Variants in CFLAR observed in about 807,000 individuals in gnomAD.
CFLAR encodes the protein CASP8 and FADD-like apoptosis regulator.
In CFLAR, 14 loss-of-function variants were observed where a neutral mutation model predicts 51.1. The ratio of observed to expected loss-of-function variants is 0.27; its 90% CI spans 0.18 to 0.43. The LOEUF is 0.43. Ranked by LOEUF, CFLAR falls within the 20% of genes least tolerant of loss-of-function variation. The pLI, the probability that CFLAR is intolerant of heterozygous loss-of-function variation, is 1.00. For synonymous variants in CFLAR, 210 were observed against 211.6 expected (o/e 0.99, Z 0.06); for missense variants, 390 against 566.5 (o/e 0.69, Z 3.16).
chr2:201,130,169 G>A, intron 2 of CFLAR, 23 bp downstream of exon 2: 1 of 1,441,242 alleles, frequency 6.9e-7, no homozygotes, highest in South Asian at 1.6e-5. Context: ...CTCTTCCTGA[G>A]GCTGGGTGGG....
Position 201,124,034 on chromosome 2 carries a change from C to T in CFLAR, c.-137-5695C>T, listed in dbSNP as rs2048447009. ...TTACATTTGCATTCACGCTGTGGCT[C>T]ACTGGACATGACATTGCTTTCATGC... On this transcript the variant is annotated intron_variant, in intron 1 of 9. Coordinates refer to ENST00000309955, the MANE Select transcript of CFLAR (RefSeq NM_003879.7). The surrounding 1 kb of genome is among the most constrained non-coding windows in gnomAD (Gnocchi z 4.7). 6.6e-6 allele frequency among the ~76,000 whole-genome samples: 1 copy of T among 152,210 alleles called. No homozygotes were observed. The highest frequency in any genetic ancestry group is 2.4e-5 in the African/African-American group (1 of 41,446).
chr2:201,133,239 T>G (rs941581348), intron 3 of CFLAR, 105 bp downstream of exon 3: 4 of 754,912 alleles, frequency 5.3e-6, no homozygotes, highest in Non-Finnish European at 9.2e-6. Context: ...GCCACTATAG[T>G]GGGAGTCAGA....
chr2:201,167,214 A>G lies in CFLAR; in HGVS notation c.*3241A>G, dbSNP rs1943685938. 1.3e-5 allele frequency: 2 copies of G among 152,080 alleles called. No individual in the cohort carries two copies. The highest frequency in any genetic ancestry group is 4.1e-4 in the South Asian group (2 of 4,828). 9.4% of individuals were successfully genotyped at this position (152,080 alleles called of 1,614,324 possible). A position where few individuals can be genotyped will look rare whatever the true frequency, so the allele number is the denominator to read the frequency against. ...CAACAAGCAATTATTCCTACTTTCCAAGTTATTTTGATGCCATGGTGGCTC... is the reference window on the plus strand; with the variant it reads ...CAACAAGCAATTATTCCTACTTTCCGAGTTATTTTGATGCCATGGTGGCTC... On this transcript the variant is annotated 3_prime_UTR_variant, in exon 10 of 10. Coordinates refer to ENST00000309955, the MANE Select transcript of CFLAR (RefSeq NM_003879.7).
At chr2:201,128,144 C>A (rs1221628032) in intron 1 of CFLAR, among the ~76,000 whole-genome samples, 1 of 151,966 alleles carries the variant, frequency 6.6e-6, no homozygotes, top group Non-Finnish European at 1.5e-5. Flanking sequence ...ATTCCTTCTA[C>A]TGCATATATT....
At chr2:201,135,312 G>C (rs2049953489) in intron 3 of CFLAR, among the ~76,000 whole-genome samples, 1 of 152,102 alleles carries the variant, frequency 6.6e-6, no homozygotes, top group Admixed American at 6.5e-5. Flanking sequence ...GAAGCCCTTA[G>C]AGTTTTTCAC....
rs374683483 is a variant in CFLAR at position 201,159,098 on chromosome 2, G to A, written c.794-1334G>A. 4.9e-4 allele frequency among the ~76,000 whole-genome samples: 75 copies of A among 151,740 alleles called. No individual in the cohort carries two copies. In the East Asian group the frequency reaches 6.6e-3, roughly 13 times the overall value. On this transcript the variant is annotated intron_variant, in intron 8 of 9. Transcript: ENST00000309955. ...TCACCATATTGGCCAGACTGGTCTC[G>A]AACTCCTGACCTCAGGTGATCTGCC...
At position 201,160,456 on chromosome 2, in the gene CFLAR, C is replaced by G. The variant is rs764648107; in HGVS notation, c.818C>G (p.Ser273Cys). The G allele has an allele frequency of 1.9e-6, 3 of 1,613,516 alleles. No individual in the cohort carries two copies. The highest frequency in any genetic ancestry group is 1.1e-5 in the South Asian group (1 of 91,062). ...GAGCTTCTTCGAGACACCTTCACTTCCCTGGGCTATGAAGTCCAGAAATTC... is the reference window on the plus strand; with the variant it reads ...GAGCTTCTTCGAGACACCTTCACTTGCCTGGGCTATGAAGTCCAGAAATTC... Reference protein sequence around the residue: ...ETELLRDTFTSLGYEVQKFLH... With the variant: ...ETELLRDTFTCLGYEVQKFLH... Residue 273 changes from serine (S) to cysteine (C), a missense_variant, in exon 9 of 10, where the codon TCC (serine) becomes TGC (cysteine). Transcript: ENST00000309955.
At position 201,168,979 on chromosome 2, in the gene CFLAR, A is replaced by G. The variant is rs1943840933; in HGVS notation, c.*5006A>G. On this transcript the variant is annotated 3_prime_UTR_variant, in exon 10 of 10. Transcript: ENST00000309955. Reference sequence around the variant, plus strand: ...GAAATAAGAGAGGACACAAATGAAAAAACATTCCATTCTCGTGGATAGGAA... The same window carrying G: ...GAAATAAGAGAGGACACAAATGAAAGAACATTCCATTCTCGTGGATAGGAA... 1 of 152,140 alleles carries G rather than the reference A, an allele frequency of 6.6e-6. No homozygotes were observed. Among genetic ancestry groups the G allele is most frequent in the Non-Finnish European group, 1.5e-5 (1 of 68,010 alleles). 9.4% of individuals were successfully genotyped at this position (152,140 alleles called of 1,614,324 possible).
In CFLAR at chr2:201,165,453, T is replaced by A. The variant is rs1423495893; in HGVS notation, c.*1480T>A. ...ACCCGGCTAATTTTTGTATTTTTAG[T>A]GGAGACAGGGTTTCCACCATGTTGG... On this transcript the variant is annotated 3_prime_UTR_variant, in exon 10 of 10. Transcript: ENST00000309955. 1.3e-5 allele frequency: 2 copies of A among 152,032 alleles called. No individual in the cohort carries two copies. Among genetic ancestry groups the A allele is most frequent in the Non-Finnish European group, 2.9e-5 (2 of 68,060 alleles). The allele number at this position is 152,032 out of a possible 1,614,324, so 9.4% of individuals were successfully genotyped here. A position where few individuals can be genotyped will look rare whatever the true frequency, so the allele number is the denominator to read the frequency against.
intron 2 of CFLAR, among the ~76,000 whole-genome samples, chr2:201,130,927 C>T (rs1474251096): frequency 2.6e-5 from 4 of 152,296 alleles, no homozygotes; most frequent in Non-Finnish European, 5.9e-5. Flanking sequence ...GTAGAGACTC[C>T]ATCATCCCTT....
In CFLAR at chr2:201,133,758, A is replaced by G. The variant is rs566525794; in HGVS notation, c.387+624A>G. Among the ~76,000 whole-genome samples the G allele has an allele frequency of 1.1e-4, 16 of 151,620 alleles. No homozygotes were observed. The East Asian group carries it at 1.2e-3, about 11-fold the overall frequency. On this transcript the variant is annotated intron_variant, in intron 3 of 9. Transcript: ENST00000309955. ...AACCTGGCTAACACGGTGAAACCCT[A>G]TCTCTACTAAAAATACAAAAAAAGT...
intron 1 of CFLAR, among the ~76,000 whole-genome samples, chr2:201,117,914 C>T (rs976422525): frequency 6.6e-6 from 1 of 152,128 alleles, no homozygotes; most frequent in African/African-American, 2.4e-5. Flanking sequence ...CACCACCATG[C>T]CCGGCTAGTT....
At chr2:201,133,974 G>C (rs2049713316) in intron 3 of CFLAR, among the ~76,000 whole-genome samples, 2 of 150,124 alleles carry the variant, frequency 1.3e-5, no homozygotes, top group African/African-American at 4.9e-5. Flanking sequence ...AGACCAGGTA[G>C]TGGTGAAGAT....
rs535806327 is a variant in CFLAR at position 201,166,854 on chromosome 2, G to T, written c.*2881G>T. ...TGGCGGCGCCCGCAATGGCAGGCAC[G>T]CGGCAGGCCGAGGCGGGAGAATCAG... On this transcript the variant is annotated 3_prime_UTR_variant, in exon 10 of 10. Coordinates refer to ENST00000309955, the MANE Select transcript of CFLAR (RefSeq NM_003879.7). The T allele has an allele frequency of 4.5e-5, 7 of 156,498 alleles. No individual in the cohort carries two copies. Among genetic ancestry groups the T allele is most frequent in the African/African-American group, 1.7e-4 (7 of 41,636 alleles). The allele number at this position is 156,498 out of a possible 1,614,324, so 9.7% of individuals were successfully genotyped here.
rs926404926 is a variant in CFLAR, at chr2:201,167,184, A to T, written c.*3211A>T. 4 of 152,202 alleles carry T rather than the reference A, an allele frequency of 2.6e-5. No homozygotes were observed. Among genetic ancestry groups the T allele is most frequent in the Non-Finnish European group, 5.9e-5 (4 of 68,052 alleles). 9.4% of individuals were successfully genotyped at this position (152,202 alleles called of 1,614,324 possible). On this transcript the variant is annotated 3_prime_UTR_variant, in exon 10 of 10. Transcript: ENST00000309955. Reference sequence around the variant, plus strand: ...GAAAAGTGTCGAAGAGACAGTTTTCAGGAACAACAAGCAATTATTCCTACT... The same window carrying T: ...GAAAAGTGTCGAAGAGACAGTTTTCTGGAACAACAAGCAATTATTCCTACT...
Position 201,168,499 on chromosome 2 carries a change from A to G in CFLAR, c.*4526A>G, listed in dbSNP as rs1943804454. 6.6e-6 allele frequency: 1 copy of G among 152,170 alleles called. No individual in the cohort carries two copies. Among genetic ancestry groups the G allele is most frequent in the African/African-American group, 2.4e-5 (1 of 41,438 alleles). 9.4% of individuals were successfully genotyped at this position (152,170 alleles called of 1,614,324 possible). A position where few individuals can be genotyped will look rare whatever the true frequency, so the allele number is the denominator to read the frequency against. On this transcript the variant is annotated 3_prime_UTR_variant, in exon 10 of 10. Transcript: ENST00000309955. The stretch of plus-strand genomic sequence containing the variant: ...CTCAAAATAATAACCATTTATGACA[A>G]ACCCACAGCCATTATCATACTGAAT...
Position 201,168,542 on chromosome 2 carries a change from A to AT in CFLAR, c.*4571dup, listed in dbSNP as rs1227720358. 6.6e-6 allele frequency: 1 copy of AT among 152,254 alleles called. No individual in the cohort carries two copies. The highest frequency in any genetic ancestry group is 1.9e-4 in the East Asian group (1 of 5,200). 9.4% of individuals were successfully genotyped at this position (152,254 alleles called of 1,614,324 possible). On this transcript the variant is annotated 3_prime_UTR_variant, in exon 10 of 10. Coordinates refer to ENST00000309955, the MANE Select transcript of CFLAR (RefSeq NM_003879.7). ...TACTGAATGGGCAAAAGCTGGAAGC[A>AT]TTCCCCTTGAAAACTGGCACAAGAC...
chr2:201,170,634 T>C lies in CFLAR; in HGVS notation c.*6661T>C, dbSNP rs1943954836. 6.6e-6 allele frequency: 1 copy of C among 152,246 alleles called. No individual in the cohort carries two copies. The highest frequency in any genetic ancestry group is 6.5e-5 in the Admixed American group (1 of 15,286). The allele number at this position is 152,246 out of a possible 1,614,324, so 9.4% of individuals were successfully genotyped here. Reference sequence around the variant, plus strand: ...GCACAATTTCTTTTTAAATCTGTTATTCTCCACCACCACTCAATCTGTCTA... The same window carrying C: ...GCACAATTTCTTTTTAAATCTGTTACTCTCCACCACCACTCAATCTGTCTA... On this transcript the variant is annotated 3_prime_UTR_variant, in exon 10 of 10. Coordinates refer to ENST00000309955, the MANE Select transcript of CFLAR (RefSeq NM_003879.7).
intron 9 of CFLAR, chr2:201,163,420 G>GCGTA (rs1943252959): frequency 8.9e-7 from 1 of 1,118,116 alleles, no homozygotes; most frequent in South Asian, 2.6e-5. Context: ...CTGTACCTCT[G>GCGTA]CGTACCCCAG....
Sources: allele counts gnomAD v4.1 joint callset (sites outside exome capture counted in the v4.1 genomes callset), GRCh38; gene constraint gnomAD v4.1.1; non-coding constraint Gnocchi (gnomAD v3.1); transcripts MANE v1.5; gene names NCBI Gene and HGNC (gene_info 2026-07-23, HGNC 2026-07-21).